The following NRF1 variants were observed in gnomAD, a reference collection of about 807,000 sequenced individuals.
NRF1 encodes the protein nuclear respiratory factor 1, also known as alpha palindromic-binding protein.
NRF1 carries 5 observed loss-of-function variants against 58.5 expected under a neutral mutation model. That is an observed-to-expected ratio of 0.09 (90% CI 0.04 to 0.18). The LOEUF (loss-of-function observed/expected upper bound fraction) is 0.18. Ranked by LOEUF, NRF1 falls within the 10% of genes least tolerant of loss-of-function variation. The pLI, the probability that NRF1 is intolerant of heterozygous loss-of-function variation, is 1.00. For missense variants in NRF1, 288 were observed against 657.7 expected, an observed-to-expected ratio of 0.44 and a Z score of 6.15; for synonymous variants, 224 against 246.7, an observed-to-expected ratio of 0.91 and a Z score of 0.86.
intron 10 of NRF1, among the ~76,000 whole-genome samples, chr7:129,753,220 A>G (rs1372320821): frequency 6.6e-6 from 1 of 152,216 alleles, no homozygotes; most frequent in Non-Finnish European, 1.5e-5. Context: ...TTTAAATGTC[A>G]AAAAGAACTA....
intron 1 of NRF1, among the ~76,000 whole-genome samples, chr7:129,634,365 C>A (rs1168321673): frequency 6.6e-6 from 1 of 152,102 alleles, no homozygotes; most frequent in Non-Finnish European, 1.5e-5. Context: ...CTTTCTCTAA[C>A]CCCTGACAAC....
At chr7:129,710,596 AC>A in intron 7 of NRF1, 25 bp downstream of exon 7, 1 of 1,235,640 alleles carries the variant, frequency 8.1e-7, no homozygotes, top group African/African-American at 1.5e-5. Flanking sequence ...GGGCTACCAG[AC>A]TGTGGCTTCT....
intron 1 of NRF1, among the ~76,000 whole-genome samples, chr7:129,637,947 A>G (rs1801205948): frequency 1.3e-5 from 2 of 151,844 alleles, no homozygotes; most frequent in African/African-American, 4.8e-5. Context: ...CAATTCTTCC[A>G]ACGTGGCCTG....
intron 3 of NRF1, among the ~76,000 whole-genome samples, chr7:129,677,007 A>ATT (rs56059756): frequency 0.15 from 16,545 of 113,446 alleles, 1,609 homozygotes; most frequent in African/African-American, 0.22. Context: ...TCTTGGTTGC[A>ATT]TTTTTTTTTT....
intron 1 of NRF1, among the ~76,000 whole-genome samples, chr7:129,653,260 T>C (rs1410570804): frequency 2.6e-5 from 4 of 152,240 alleles, no homozygotes; most frequent in African/African-American, 7.2e-5. Context: ...AGAATTTCCT[T>C]TTTTTAAAAA....
chr7:129,710,198 C>T (rs1475259154), intron 6 of NRF1, among the ~76,000 whole-genome samples, 176 bp from the exon 7 acceptor site: 1 of 152,152 alleles, frequency 6.6e-6, no homozygotes, highest in Non-Finnish European at 1.5e-5. Context: ...CTCTTTGATA[C>T]TTCGTACACA....
chr7:129,754,974 C>T (rs1362088540), intron 10 of NRF1, 44 bp from the exon 11 acceptor site: 1 of 1,500,338 alleles, frequency 6.7e-7, no homozygotes, highest in African/African-American at 1.4e-5. Flanking sequence ...CATCTGGGAA[C>T]TTGAGCCTGA....
At chr7:129,734,414 C>G (rs948531274) in intron 10 of NRF1, among the ~76,000 whole-genome samples, 1 of 152,190 alleles carries the variant, frequency 6.6e-6, no homozygotes, top group Admixed American at 6.5e-5. Context: ...CTAGACTCCA[C>G]AAATACAGGG....
intron 1 of NRF1, among the ~76,000 whole-genome samples, chr7:129,636,207 A>G (rs1801165327): frequency 6.8e-6 from 1 of 147,810 alleles, no homozygotes; most frequent in Non-Finnish European, 1.5e-5. Context: ...AGTCTCCATC[A>G]TCCTGTTTTT....
At chr7:129,711,403 T>C (rs1410529904) in intron 7 of NRF1, 72 bp from the exon 8 acceptor site, 2 of 1,122,084 alleles carry the variant, frequency 1.8e-6, no homozygotes, top group Non-Finnish European at 2.6e-6. Context: ...ATTAAATGAG[T>C]CTCAGCTTCT....
chr7:129,682,972 C>G (rs1483332882), intron 4 of NRF1, among the ~76,000 whole-genome samples: 1 of 152,082 alleles, frequency 6.6e-6, no homozygotes, highest in African/African-American at 2.4e-5. Flanking sequence ...GTTCTGTTGC[C>G]CAGGCTGGAG....
intron 10 of NRF1, among the ~76,000 whole-genome samples, chr7:129,742,365 G>A (rs1038955637): frequency 1.3e-5 from 2 of 150,512 alleles, no homozygotes; most frequent in South Asian, 2.1e-4. Context: ...TATGGAAACC[G>A]AGACACTGCT....
At chr7:129,731,371 C>T (rs1175997457) in intron 10 of NRF1, among the ~76,000 whole-genome samples, 1 of 152,210 alleles carries the variant, frequency 6.6e-6, no homozygotes, top group Non-Finnish European at 1.5e-5. Context: ...AGCACCTGCG[C>T]ACCCTGAAGA....
intron 5 of NRF1, among the ~76,000 whole-genome samples, chr7:129,699,715 A>T (rs1425636475): frequency 6.6e-6 from 1 of 151,122 alleles, no homozygotes; most frequent in Non-Finnish European, 1.5e-5. Flanking sequence ...TGGGTGACAG[A>T]GAGAGACTCC....
intron 1 of NRF1, among the ~76,000 whole-genome samples, chr7:129,652,957 A>G (rs1360556086): frequency 6.6e-6 from 1 of 152,228 alleles, no homozygotes; most frequent in Non-Finnish European, 1.5e-5. Context: ...AGTTAGTTGT[A>G]AAATATACAT....
At chr7:129,645,293 G>C (rs1056564938) in intron 1 of NRF1, among the ~76,000 whole-genome samples, 3 of 152,152 alleles carry the variant, frequency 2.0e-5, no homozygotes, top group Non-Finnish European at 2.9e-5. Context: ...TCTCCAAGTT[G>C]CTAGTAAGTG....
chr7:129,622,257 A>G (rs1427843110), intron 1 of NRF1, among the ~76,000 whole-genome samples: 1 of 152,230 alleles, frequency 6.6e-6, no homozygotes, highest in African/African-American at 2.4e-5. Context: ...ACATAAATAC[A>G]GATAACACAA....
At position 129,757,055 on chromosome 7, in the gene NRF1, T is replaced by TA. The variant is rs767446620; in HGVS notation, c.*1877dup. On this transcript the variant is annotated 3_prime_UTR_variant, in exon 11 of 11. Transcript: ENST00000393232. ...TTCTGTCTTTGACTGCCTCATTCAA[T>TA]AAATAGTTAAAAATGTGGCAACAGG... 2 of 152,576 alleles carry TA rather than the reference T, an allele frequency of 1.3e-5. No homozygotes were observed. The highest frequency in any genetic ancestry group is 2.4e-5 in the African/African-American group (1 of 41,430). The allele number at this position is 152,576 out of a possible 1,614,324, so 9.5% of individuals were successfully genotyped here. A position where few individuals can be genotyped will look rare whatever the true frequency, so the allele number is the denominator to read the frequency against.
At chr7:129,697,655 C>G (rs1156594268) in intron 5 of NRF1, among the ~76,000 whole-genome samples, 1 of 152,056 alleles carries the variant, frequency 6.6e-6, no homozygotes, top group East Asian at 1.9e-4. Context: ...TTTAAAAAAT[C>G]TTTTTTGTAT....
Sources: allele counts gnomAD v4.1 joint callset (sites outside exome capture counted in the v4.1 genomes callset), GRCh38; gene constraint gnomAD v4.1.1; transcripts MANE v1.5; gene names NCBI Gene and HGNC (gene_info 2026-07-23, HGNC 2026-07-21).